The following NLRC4 variants were observed in gnomAD, a reference collection of about 807,000 sequenced individuals.
NLRC4 encodes the protein NLR family CARD domain containing 4, also known as NLR family CARD domain-containing protein 4.
In NLRC4, 63 loss-of-function variants were observed where a neutral mutation model predicts 79.9. The observed-to-expected ratio is 0.79, with a 90% CI of 0.64 to 0.97. The LOEUF (loss-of-function observed/expected upper bound fraction) is 0.97. NLRC4 is among the 50% of genes least tolerant of loss of function. The pLI, the probability that NLRC4 is intolerant of heterozygous loss-of-function variation, is 0.00. For synonymous variants in NLRC4, 461 were observed against 456.5 expected (o/e 1.01, Z -0.12); for missense variants, 1,074 against 1,215.2 (o/e 0.88, Z 1.73).
chr2:32,247,254 G>A (rs1313798060), intron 4 of NLRC4, among the ~76,000 whole-genome samples: 1 of 152,058 alleles, frequency 6.6e-6, no homozygotes, highest in Non-Finnish European at 1.5e-5. Context: ...AGATGGGGGT[G>A]CTCGCAGGAG....
At chr2:32,255,893 G>C (rs563202266) in intron 2 of NLRC4, among the ~76,000 whole-genome samples, 2 of 151,072 alleles carry the variant, frequency 1.3e-5, no homozygotes, top group East Asian at 4.0e-4. Flanking sequence ...ACGCGCCTGT[G>C]GTCCCAGCTA....
chr2:32,257,618 A>G (rs532382666), intron 1 of NLRC4, among the ~76,000 whole-genome samples: 11 of 151,890 alleles, frequency 7.2e-5, no homozygotes, highest in South Asian at 4.2e-4. Context: ...AAAAGAAAAA[A>G]AAAAAAAAAA....
chr2:32,251,142 T>TG lies in NLRC4; in HGVS notation c.721dup (p.Gln241ProfsTer8). 6.2e-7 allele frequency: 1 copy of TG among 1,614,202 alleles called. No homozygotes were observed. Among genetic ancestry groups the TG allele is most frequent in the Non-Finnish European group, 8.5e-7 (1 of 1,180,022 alleles). On this transcript the variant is annotated frameshift_variant, in exon 4 of 9. Transcript: ENST00000402280. LOFTEE classifies it high-confidence loss of function. ...GCCATCAAGAAGGAAAAGAACCCTC[T>TG]GCCGCAGCTTCAGCAGCATGGCCAT... is the stretch of plus-strand genomic sequence containing the variant.
At chr2:32,225,542 C>A (rs1686367760) in intron 8 of NLRC4, among the ~76,000 whole-genome samples, 1 of 151,898 alleles carries the variant, frequency 6.6e-6, no homozygotes, top group South Asian at 2.1e-4. Flanking sequence ...AGAAAAAATA[C>A]CTTTCTTTCA....
chr2:32,236,219 C>G (rs1347407901), intron 7 of NLRC4, 28 bp downstream of exon 7: 9 of 1,412,542 alleles, frequency 6.4e-6, no homozygotes, highest in Non-Finnish European at 7.9e-6. Context: ...ATTCAAGTAT[C>G]TAATTTTGGC....
chr2:32,250,382 G>A lies in NLRC4; in HGVS notation c.1482C>T (p.Thr494=), dbSNP rs1391639166. Residue 494 remains threonine (T), a synonymous_variant, in exon 4 of 9, where the codon ACC becomes ACT. Transcript: ENST00000402280. The surrounding 1 kb of genome is among the most constrained non-coding windows in gnomAD (Gnocchi z 4.9). Reference sequence around the variant, plus strand: ...TGGTGGCTTCCACAGATGACCCACAGGTGTACCGGAGCAGGCTGCTATAAG... The same window carrying A: ...TGGTGGCTTCCACAGATGACCCACAAGTGTACCGGAGCAGGCTGCTATAAG... ...TSTYSSLLRY[T]CGSSVEATRA... 1 of 1,614,168 alleles carries A rather than the reference G, an allele frequency of 6.2e-7. No homozygotes were observed. The highest frequency in any genetic ancestry group is 1.3e-5 in the African/African-American group (1 of 75,050).
Position 32,256,898 on chromosome 2 carries a change from AAAAC to A in NLRC4, c.-118-9_-118-6del, listed in dbSNP as rs1387848499. ...TCTGTAAAACTACTCTTCATTCTGTAAAACAAACAAAACAGAACCAGAGACTATC... is the reference window on the plus strand; with the variant it reads ...TCTGTAAAACTACTCTTCATTCTGTAAAACAAAACAGAACCAGAGACTATC... On this transcript the variant is annotated splice_region_variant and splice_polypyrimidine_tract_variant and intron_variant, in intron 1 of 8. Transcript: ENST00000402280. 6 of 660,074 alleles carry A rather than the reference AAAAC, an allele frequency of 9.1e-6. No homozygotes were observed. Among genetic ancestry groups the A allele is most frequent in the East Asian group, 2.7e-5 (1 of 37,438 alleles). 40.9% of individuals were successfully genotyped at this position (660,074 alleles called of 1,614,324 possible). A position where few individuals can be genotyped will look rare whatever the true frequency, so the allele number is the denominator to read the frequency against.
chr2:32,242,279 CAAAG>C (rs777594885), intron 4 of NLRC4, among the ~76,000 whole-genome samples: 67 of 151,670 alleles, frequency 4.4e-4, no homozygotes, highest in Non-Finnish European at 6.9e-4. Context: ...CCAAGACTGA[CAAAG>C]AAAAAGAAGA....
chr2:32,245,181 G>A (rs1216893560), intron 4 of NLRC4, among the ~76,000 whole-genome samples: 1 of 151,514 alleles, frequency 6.6e-6, no homozygotes, highest in Non-Finnish European at 1.5e-5. Flanking sequence ...CGTGTTATTG[G>A]GCGCCTGTAA....
chr2:32,246,999 C>T (rs1170089729), intron 4 of NLRC4, among the ~76,000 whole-genome samples: 2 of 152,148 alleles, frequency 1.3e-5, no homozygotes, highest in African/African-American at 2.4e-5. Context: ...CTCAAGTAAT[C>T]CTCCTGCCTT....
chr2:32,261,316 C>CCTT, intron 1 of NLRC4, among the ~76,000 whole-genome samples: 3 of 96,884 alleles, frequency 3.1e-5, no homozygotes, highest in East Asian at 2.5e-4. Flanking sequence ...AGCCTCCCCC[C>CCTT]TTTTGTTTTT....
chr2:32,252,156 C>T (rs904799716), intron 3 of NLRC4, among the ~76,000 whole-genome samples: 2 of 152,148 alleles, frequency 1.3e-5, no homozygotes, highest in East Asian at 1.9e-4. Flanking sequence ...AACTAGTGCA[C>T]TTATTCTCCA....
chr2:32,245,260 G>A lies in NLRC4; in HGVS notation c.2258-4135C>T, dbSNP rs376528256. Among the ~76,000 whole-genome samples the A allele has an allele frequency of 3.7e-4, 50 of 134,262 alleles. No homozygotes were observed. The South Asian group carries it at 8.3e-3, about 22-fold the overall frequency. The allele number at this position is 134,262 out of a possible 152,430, so 88.1% of individuals were successfully genotyped here. A position where few individuals can be genotyped will look rare whatever the true frequency, so the allele number is the denominator to read the frequency against. On this transcript the variant is annotated intron_variant, in intron 4 of 8. Transcript: ENST00000402280. ...TGGGAGGCAGAGGTTGCAGTAAGCC[G>A]AGATCACACCACTGCACCCCAGCCT...
intron 8 of NLRC4, among the ~76,000 whole-genome samples, chr2:32,225,347 A>G (rs772283381): frequency 3.9e-5 from 6 of 151,936 alleles, no homozygotes; most frequent in Non-Finnish European, 7.4e-5. Flanking sequence ...TACATAGGGT[A>G]GGTGGATATC....
chr2:32,265,585 A>AC (rs1687446733), upstream of NLRC4: 1 of 152,358 alleles, frequency 6.6e-6, no homozygotes, highest in Admixed American at 6.5e-5. Context: ...GGTCATGCTT[A>AC]CCCCTGTACC....
At chr2:32,226,125 T>C (rs1331038365) in intron 8 of NLRC4, among the ~76,000 whole-genome samples, 1 of 152,168 alleles carries the variant, frequency 6.6e-6, no homozygotes, top group African/African-American at 2.4e-5. Context: ...CTACCAGTAA[T>C]GAGGGCTTAA....
At chr2:32,245,172 G>C (rs941006571) in intron 4 of NLRC4, among the ~76,000 whole-genome samples, 2 of 151,734 alleles carry the variant, frequency 1.3e-5, no homozygotes, top group Non-Finnish European at 2.9e-5. Flanking sequence ...TTAGCCAGGC[G>C]TGTTATTGGG....
chr2:32,240,289 T>C (rs938962691), intron 5 of NLRC4, among the ~76,000 whole-genome samples: 3 of 151,606 alleles, frequency 2.0e-5, no homozygotes, highest in Admixed American at 6.6e-5. Flanking sequence ...GCTTCAGCCA[T>C]GTTTGGCTTA....
At chr2:32,236,023 G>A (rs983171882) in intron 7 of NLRC4, among the ~76,000 whole-genome samples, 6 of 152,160 alleles carry the variant, frequency 3.9e-5, no homozygotes, top group African/African-American at 1.4e-4. Context: ...AAGCAGGTGG[G>A]ATACCGCCTC....
Sources: gnomAD v4.1 joint callset for allele counts (sites outside exome capture counted in the v4.1 genomes callset) on GRCh38, gnomAD v4.1.1 for gene constraint, Gnocchi (gnomAD v3.1) non-coding constraint, MANE v1.5 for transcripts, NCBI Gene and HGNC (gene_info 2026-07-23, HGNC 2026-07-21) for gene names.